The following NLRP13 variants were observed in gnomAD, a reference collection of about 807,000 sequenced individuals.
The protein encoded by NLRP13 is NACHT, LRR and PYD domains-containing protein 13.
A neutral mutation model predicts 94.4 loss-of-function variants in NLRP13; 82 were observed. The observed-to-expected ratio is 0.87, with a 90% CI of 0.73 to 1.04. The LOEUF (loss-of-function observed/expected upper bound fraction) is 1.04, where lower values mean the gene tolerates loss of function less well. Ranked by LOEUF, NLRP13 falls within the 50% of genes least tolerant of loss-of-function variation. The probability of loss-of-function intolerance (pLI) is 0.00; values close to 1 mark genes in which losing one functional copy is unlikely to be tolerated. For synonymous variants in NLRP13, 553 were observed against 464.7 expected (o/e 1.19, Z -2.45); for missense variants, 1,426 against 1,230.8 (o/e 1.16, Z -2.37).
In NLRP13 at chr19:55,911,884, A is replaced by C; in HGVS notation, c.1933T>G (p.Ser645Ala). 1 of 1,614,098 alleles carries C rather than the reference A, an allele frequency of 6.2e-7. No homozygotes were observed. The highest frequency in any genetic ancestry group is 8.5e-7 in the Non-Finnish European group (1 of 1,179,982). Residue 645 changes from serine to alanine, a missense_variant, in exon 5 of 11, where the codon TCC becomes GCC. Transcript: ENST00000342929. ...ILRLFHCLHE[S>A]QEEDFTKKML... ...TTCTTTGTGAAGTCTTCCTCCTGGGACTCGTGTAGGCAGTGAAAAAGTCGT... is the reference window on the plus strand; with the variant it reads ...TTCTTTGTGAAGTCTTCCTCCTGGGCCTCGTGTAGGCAGTGAAAAAGTCGT...
chr19:55,912,724 T>A lies in NLRP13; in HGVS notation c.1093A>T (p.Thr365Ser). 6.2e-7 allele frequency: 1 copy of A among 1,614,178 alleles called. No homozygotes were observed. Among genetic ancestry groups the A allele is most frequent in the South Asian group, 1.1e-5 (1 of 91,068 alleles). ...PLATLLITIK[T>S]WFVRDLKASL... ...GCCTTAAGATCTCTCACAAACCAGG[T>A]CTTGATCGTGATCAGTAAGGTAGCC... is the stretch of plus-strand genomic sequence containing the variant. Residue 365 changes from threonine to serine, a missense_variant, in exon 5 of 11, where the codon ACC (threonine) becomes TCC (serine). Physicochemically the swap from Thr to Ser is moderately conservative, Grantham distance 58. Transcript: ENST00000342929.
intron 5 of NLRP13, among the ~76,000 whole-genome samples, 161 bp downstream of exon 5, chr19:55,911,545 A>G (rs1600268131): frequency 6.6e-6 from 1 of 152,260 alleles, no homozygotes; most frequent in African/African-American, 2.4e-5. Flanking sequence ...GGTGATGCCT[A>G]AAGGACAACA....
intron 1 of NLRP13, among the ~76,000 whole-genome samples, chr19:55,929,171 T>C (rs1600281212): frequency 6.6e-6 from 1 of 152,308 alleles, no homozygotes; most frequent in Non-Finnish European, 1.5e-5. Flanking sequence ...TTTTACACTG[T>C]TGGTGGGAGT....
At chr19:55,929,871 G>C (rs1232372108) in intron 1 of NLRP13, among the ~76,000 whole-genome samples, 2 of 151,544 alleles carry the variant, frequency 1.3e-5, no homozygotes, top group Non-Finnish European at 1.5e-5. Context: ...GCCTAAAGTT[G>C]GTTCTTTGAA....
Position 55,907,926 on chromosome 19 carries a change from C to G in NLRP13, c.2313G>C (p.Leu771=), listed in dbSNP as rs144869779. The G allele has an allele frequency of 3.1e-6, 5 of 1,611,806 alleles. No homozygotes were observed. Among genetic ancestry groups the G allele is most frequent in the Non-Finnish European group, 4.2e-6 (5 of 1,178,510 alleles). The part of the protein sequence containing the change: ...TCKSVTPEWV[L]QDLIIALQGN... ...CCTGAAGGGCAATAATGAGGTCCTG[C>G]AGAACCCACTCAGGAGTTACCGATT... The change falls in exon 7 of 11, where the codon CTG becomes CTC. Residue 771 remains leucine (L), a synonymous_variant. Coordinates refer to ENST00000342929, the MANE Select transcript of NLRP13 (RefSeq NM_176810.2).
chr19:55,896,036 T>G lies in NLRP13; in HGVS notation c.3041A>C (p.Asn1014Thr). 1.9e-6 allele frequency: 3 copies of G among 1,614,120 alleles called. No homozygotes were observed. Among genetic ancestry groups the G allele is most frequent in the Non-Finnish European group, 2.5e-6 (3 of 1,180,002 alleles). The change falls in exon 11 of 11, where the codon AAC becomes ACC. Residue 1014 changes from asparagine (N) to threonine (T), a missense_variant. Asn to Thr is a moderately conservative substitution (Grantham distance 65, BLOSUM62 0). Coordinates refer to ENST00000342929, the MANE Select transcript of NLRP13 (RefSeq NM_176810.2). ...LSSSKSLVNL[N>T]LLGNELDTDG... Reference sequence around the variant, plus strand: ...AGTATCCAATTCATTGCCTAGAAGGTTCAGATTGACCAGGCTCTTACTGCT... The same window carrying G: ...AGTATCCAATTCATTGCCTAGAAGGGTCAGATTGACCAGGCTCTTACTGCT...
At chr19:55,901,987 C>T in intron 9 of NLRP13, 48 bp downstream of exon 9, 3 of 1,598,070 alleles carry the variant, frequency 1.9e-6, no homozygotes, top group Non-Finnish European at 2.6e-6. Flanking sequence ...GGTCAATTCC[C>T]ATGGCTCTCC....
chr19:55,916,904 T>C (rs1365803268), intron 4 of NLRP13, among the ~76,000 whole-genome samples: 1 of 152,160 alleles, frequency 6.6e-6, no homozygotes, highest in East Asian at 1.9e-4. Flanking sequence ...GGCCTCACTA[T>C]GATATTTATT....
At chr19:55,896,547 G>A (rs559628649) in intron 10 of NLRP13, among the ~76,000 whole-genome samples, 38 of 139,516 alleles carry the variant, frequency 2.7e-4, no homozygotes, top group African/African-American at 8.3e-4. Flanking sequence ...GGCTGGGCGC[G>A]GTGGCTCACA....
intron 1 of NLRP13, among the ~76,000 whole-genome samples, chr19:55,930,252 C>T (rs1483383265): frequency 6.6e-6 from 1 of 152,230 alleles, no homozygotes; most frequent in East Asian, 1.9e-4. Context: ...CTCTCCTGGT[C>T]ACCAGCTCTG....
intron 1 of NLRP13, among the ~76,000 whole-genome samples, chr19:55,926,274 C>T (rs145503728): frequency 5.3e-4 from 80 of 152,304 alleles, no homozygotes; most frequent in Middle Eastern, 3.4e-3. Context: ...GTCAGAAAAG[C>T]CAGGCTATTC....
At chr19:55,930,901 A>ATATATATATATATATATATATATATATTT (rs1338071833) in intron 1 of NLRP13, among the ~76,000 whole-genome samples, 1 of 98,294 alleles carries the variant, frequency 1.0e-5, no homozygotes, top group Non-Finnish European at 1.9e-5. Flanking sequence ...TATATATAAA[A>ATATATATATATATATATATATATATATTT]TTTTAACCAG....
downstream of NLRP13, among the ~76,000 whole-genome samples, chr19:55,895,445 C>T (rs7254660): frequency 0.091 from 13,865 of 151,700 alleles, 683 homozygotes; most frequent in South Asian, 0.18. Context: ...CACTTTGAGA[C>T]GCCGAGGTGG....
Position 55,912,472 on chromosome 19 carries a change from T to C in NLRP13, c.1345A>G (p.Thr449Ala), listed in dbSNP as rs1399798669. 8.7e-6 allele frequency: 14 copies of C among 1,613,994 alleles called. No individual in the cohort carries two copies. The highest frequency in any genetic ancestry group is 1.2e-5 in the Non-Finnish European group (14 of 1,180,024). Residue 449 changes from threonine (T) to alanine (A), a missense_variant, in exon 5 of 11, where the codon ACT becomes GCT. Coordinates refer to ENST00000342929, the MANE Select transcript of NLRP13 (RefSeq NM_176810.2). The part of the protein sequence containing the change: ...KVRYYDLQSI[T>A]QTTTSLYAYF... ...GCATACAGACTGGTGGTAGTCTGAGTGATTGACTGGAGATCGTAATACCTC... is the reference window on the plus strand; with the variant it reads ...GCATACAGACTGGTGGTAGTCTGAGCGATTGACTGGAGATCGTAATACCTC...
downstream of NLRP13, among the ~76,000 whole-genome samples, chr19:55,895,029 A>T (rs961735467): frequency 6.6e-6 from 1 of 152,182 alleles, no homozygotes; most frequent in Non-Finnish European, 1.5e-5. Context: ...CCACTGCATT[A>T]AAAGTAATAG....
intron 4 of NLRP13, among the ~76,000 whole-genome samples, chr19:55,922,727 A>C (rs1284074971): frequency 6.6e-6 from 1 of 152,224 alleles, no homozygotes; most frequent in East Asian, 1.9e-4. Context: ...GCATCAATTT[A>C]TATGCCCAGG....
chr19:55,898,352 G>A (rs888511928), intron 10 of NLRP13, among the ~76,000 whole-genome samples: 1 of 151,982 alleles, frequency 6.6e-6, no homozygotes, highest in Admixed American at 6.6e-5. Flanking sequence ...TGGGACTACA[G>A]ATGCCCACCT....
At chr19:55,908,635 A>G (rs924576512) in intron 6 of NLRP13, among the ~76,000 whole-genome samples, 11 of 152,334 alleles carry the variant, frequency 7.2e-5, no homozygotes, top group Admixed American at 6.5e-4. Flanking sequence ...ACATGGATGG[A>G]GCTGGAGGCC....
intron 7 of NLRP13, among the ~76,000 whole-genome samples, chr19:55,907,543 GCCCGGGGAACAGAGTGAGAC>G (rs1986389335): frequency 6.6e-6 from 1 of 152,188 alleles, no homozygotes; most frequent in South Asian, 2.1e-4. Context: ...TTGCACTCCA[GCCCGGGGAACAGAGTGAGAC>G]CCTGTCTCAA....
Sources: allele counts gnomAD v4.1 joint callset (sites outside exome capture counted in the v4.1 genomes callset), GRCh38; gene constraint gnomAD v4.1.1; transcripts MANE v1.5; gene names NCBI Gene and HGNC (gene_info 2026-07-23, HGNC 2026-07-21).